The following FARS2 variants were observed in gnomAD, a reference collection of about 807,000 sequenced individuals.
The protein encoded by FARS2 is phenylalanine--tRNA ligase, mitochondrial.
Under a neutral mutation model 46.4 loss-of-function variants are expected in FARS2, and 40 were observed. That is an observed-to-expected ratio of 0.86 (90% CI 0.67 to 1.12). The LOEUF (loss-of-function observed/expected upper bound fraction) is 1.12, where lower values mean the gene tolerates loss of function less well. Among genes scored for constraint, FARS2 ranks in the 50% most tolerant of loss-of-function variants. The probability of loss-of-function intolerance (pLI) is 0.00; values close to 1 mark genes in which losing one functional copy is unlikely to be tolerated. For synonymous variants in FARS2, 234 were observed against 214.9 expected, an observed-to-expected ratio of 1.09 and a Z score of -0.78; for missense variants, 513 against 567.9, an observed-to-expected ratio of 0.90 and a Z score of 0.98.
Position 5,563,414 on chromosome 6 carries a change from A to G in FARS2, c.1065+18074A>G, listed in dbSNP as rs374418783. The stretch of plus-strand genomic sequence containing the variant: ...AGTTTCTAATGGACGTTATTTGCAT[A>G]TCAAAGGTTACTGGCCTGGCTCTAA... On this transcript the variant is annotated intron_variant, in intron 5 of 6. Coordinates refer to ENST00000274680, the MANE Select transcript of FARS2 (RefSeq NM_006567.5). 7.2e-5 allele frequency among the ~76,000 whole-genome samples: 11 copies of G among 152,332 alleles called. No homozygotes were observed. In the East Asian group the frequency reaches 2.1e-3, roughly 29 times the overall value.
At chr6:5,334,089 G>A (rs1178263192) in intron 1 of FARS2, among the ~76,000 whole-genome samples, 3 of 152,182 alleles carry the variant, frequency 2.0e-5, no homozygotes, top group Admixed American at 6.5e-5. Context: ...AATGTTTGTG[G>A]TCAGGGATGA....
chr6:5,328,968 G>A (rs183679387), intron 1 of FARS2, among the ~76,000 whole-genome samples: 48 of 152,194 alleles, frequency 3.2e-4, no homozygotes, highest in Non-Finnish European at 6.8e-4. Context: ...AAGGATTAGC[G>A]TGGCTGAGCA....
chr6:5,492,118 A>G (rs1451422143), intron 4 of FARS2, among the ~76,000 whole-genome samples: 4 of 152,258 alleles, frequency 2.6e-5, no homozygotes, highest in Non-Finnish European at 5.9e-5. Flanking sequence ...AGCTGTGAAA[A>G]TGCAATAAAG....
intron 1 of FARS2, among the ~76,000 whole-genome samples, chr6:5,351,335 A>C (rs978351235): frequency 1.3e-5 from 2 of 152,218 alleles, no homozygotes; most frequent in African/African-American, 4.8e-5. Context: ...TGACCAAACA[A>C]AGGGACTGGA....
chr6:5,414,341 A>G (rs1046926131), intron 3 of FARS2, among the ~76,000 whole-genome samples: 2 of 152,218 alleles, frequency 1.3e-5, no homozygotes, highest in Admixed American at 6.5e-5. Flanking sequence ...AACCATCACC[A>G]CAATCAAGAT....
At chr6:5,361,373 C>T (rs1210061998) in intron 1 of FARS2, among the ~76,000 whole-genome samples, 1 of 151,884 alleles carries the variant, frequency 6.6e-6, no homozygotes, top group East Asian at 1.9e-4. Flanking sequence ...AATGAAACTT[C>T]TTTGTGTTTA....
chr6:5,569,272 T>C (rs1772496447), intron 5 of FARS2, among the ~76,000 whole-genome samples: 1 of 151,726 alleles, frequency 6.6e-6, no homozygotes, highest in South Asian at 2.1e-4. Context: ...GTTCTCACTC[T>C]GTTGCCCAGG....
intron 4 of FARS2, among the ~76,000 whole-genome samples, chr6:5,444,906 C>A (rs1259485746): frequency 2.0e-5 from 3 of 152,240 alleles, no homozygotes; most frequent in Non-Finnish European, 4.4e-5. Context: ...AGAGTGAAGA[C>A]CTGGCTCCAG....
intron 5 of FARS2, among the ~76,000 whole-genome samples, chr6:5,583,091 C>T (rs1773426536): frequency 6.6e-6 from 1 of 152,176 alleles, no homozygotes; most frequent in East Asian, 1.9e-4. Context: ...AACATCTTAC[C>T]AGTCAATGGA....
chr6:5,400,468 T>G (rs1043277185), intron 2 of FARS2, among the ~76,000 whole-genome samples: 1 of 152,032 alleles, frequency 6.6e-6, no homozygotes, highest in Non-Finnish European at 1.5e-5. Context: ...TTTAGTTTTA[T>G]TGTATTTTAA....
intron 6 of FARS2, among the ~76,000 whole-genome samples, chr6:5,681,141 A>C (rs1232125100): frequency 6.6e-6 from 1 of 152,258 alleles, no homozygotes; most frequent in East Asian, 1.9e-4. Flanking sequence ...TAAGAGATTT[A>C]TCTGAGAAAG....
At chr6:5,296,357 G>T (rs1233023514) in intron 1 of FARS2, among the ~76,000 whole-genome samples, 3 of 151,926 alleles carry the variant, frequency 2.0e-5, no homozygotes, top group African/African-American at 4.8e-5. Flanking sequence ...TAGCCAGGAT[G>T]GTCTCGATCT....
chr6:5,696,944 A>C (rs1758142043), intron 6 of FARS2, among the ~76,000 whole-genome samples: 3 of 152,254 alleles, frequency 2.0e-5, no homozygotes, highest in Admixed American at 1.3e-4. Context: ...AGATAATAAA[A>C]GTTTTAGCAA....
rs181837476 is a variant in FARS2 at position 5,510,600 on chromosome 6, C to T, written c.905-34580C>T. Among the ~76,000 whole-genome samples the T allele has an allele frequency of 9.3e-4, 141 of 152,342 alleles. 1 individual carries two copies. Among genetic ancestry groups the T allele is most frequent in the Admixed American group, 5.9e-3 (90 of 15,306 alleles). On this transcript the variant is annotated intron_variant, in intron 4 of 6. Coordinates refer to ENST00000274680, the MANE Select transcript of FARS2 (RefSeq NM_006567.5). ...GGTTGTGAGCTGTTTGTGTGCGGAGCCTGTGTCTCACTCATCTTTGCAGCC... is the reference window on the plus strand; with the variant it reads ...GGTTGTGAGCTGTTTGTGTGCGGAGTCTGTGTCTCACTCATCTTTGCAGCC...
intron 1 of FARS2, among the ~76,000 whole-genome samples, chr6:5,299,980 C>T (rs1386306472): frequency 1.3e-5 from 2 of 151,686 alleles, no homozygotes; most frequent in African/African-American, 4.8e-5. Context: ...AAATATTTGC[C>T]TTTTTTATTT....
At chr6:5,330,209 G>A (rs1561962398) in intron 1 of FARS2, among the ~76,000 whole-genome samples, 1 of 152,164 alleles carries the variant, frequency 6.6e-6, no homozygotes, top group Non-Finnish European at 1.5e-5. Context: ...GGAGCCCCTT[G>A]ATGGGAACCT....
At chr6:5,305,070 T>G (rs1004933930) in intron 1 of FARS2, among the ~76,000 whole-genome samples, 3 of 152,152 alleles carry the variant, frequency 2.0e-5, no homozygotes, top group Non-Finnish European at 2.9e-5. Context: ...CCTCACCTGG[T>G]GAGGACAGTC....
rs537123259 is a variant in FARS2 at position 5,599,894 on chromosome 6, T to G, written c.1066-13275T>G. ...ATTTCTCAGGCTTGCTTCTTTTTTT[T>G]TTTTTGTGAAAAAGCATTAAGTTCA... On this transcript the variant is annotated intron_variant, in intron 5 of 6. Coordinates refer to ENST00000274680, the MANE Select transcript of FARS2 (RefSeq NM_006567.5). 3.3e-4 allele frequency among the ~76,000 whole-genome samples: 50 copies of G among 152,266 alleles called. 1 individual carries two copies. The highest frequency in any genetic ancestry group is 1.1e-3 in the African/African-American group (46 of 41,560).
At chr6:5,456,649 T>G (rs1764888734) in intron 4 of FARS2, among the ~76,000 whole-genome samples, 1 of 138,806 alleles carries the variant, frequency 7.2e-6, no homozygotes, top group Admixed American at 8.2e-5. Context: ...GAGAATTGCT[T>G]GAACCTGGGA....
Sources: allele counts gnomAD v4.1 joint callset (sites outside exome capture counted in the v4.1 genomes callset), GRCh38; gene constraint gnomAD v4.1.1; transcripts MANE v1.5; gene names NCBI Gene and HGNC (gene_info 2026-07-23, HGNC 2026-07-21).